PACSIN3: variants seen among roughly 807,000 people sequenced by gnomAD.
PACSIN3 encodes protein kinase C and casein kinase substrate in neurons protein 3.
Under a neutral mutation model 56.1 loss-of-function variants are expected in PACSIN3, and 34 were observed. The observed-to-expected ratio is 0.61, with a 90% CI of 0.46 to 0.81. The LOEUF (loss-of-function observed/expected upper bound fraction) is 0.81. Among genes scored for constraint, PACSIN3 ranks in the 30% least tolerant of loss-of-function variants. The probability of loss-of-function intolerance (pLI) is 0.00; values close to 1 mark genes in which losing one functional copy is unlikely to be tolerated. For missense variants in PACSIN3, 535 were observed against 592.4 expected (o/e 0.90, Z 1.01); for synonymous variants, 218 against 229.8 (o/e 0.95, Z 0.46).
At chr11:47,182,886 G>A in intron 2 of PACSIN3, 118 bp downstream of exon 2, 1 of 681,944 alleles carries the variant, frequency 1.5e-6, no homozygotes, top group African/African-American at 1.8e-5. Context: ...AGTCATCAGA[G>A]CTAGGACTTA....
chr11:47,177,889 G>T lies in PACSIN3; in HGVS notation c.*42C>A. ...GGCTCTCCAGGAGAAGCTGGGCTCT[G>T]AACCAGGGTGGGTAAACGTTGCAGA... On this transcript the variant is annotated 3_prime_UTR_variant, in exon 11 of 11. Coordinates refer to ENST00000298838, the MANE Select transcript of PACSIN3 (RefSeq NM_016223.5). The T allele has an allele frequency of 6.7e-7, 1 of 1,495,866 alleles. No individual in the cohort carries two copies. Among genetic ancestry groups the T allele is most frequent in the South Asian group, 1.1e-5 (1 of 88,622 alleles). 92.7% of individuals were successfully genotyped at this position (1,495,866 alleles called of 1,614,324 possible). A position where few individuals can be genotyped will look rare whatever the true frequency, so the allele number is the denominator to read the frequency against.
Position 47,178,972 on chromosome 11 carries a change from G to C in PACSIN3, c.959C>G (p.Pro320Arg). 6.2e-7 allele frequency: 1 copy of C among 1,614,076 alleles called. No homozygotes were observed. The highest frequency in any genetic ancestry group is 1.1e-5 in the South Asian group (1 of 91,082). The part of the protein sequence containing the change: ...ISRKEKGGRS[P>R]DEVTLTSIVP... Reference sequence around the variant, plus strand: ...AATGCTGGTCAGGGTAACCTCATCAGGGCTCCGGCCACCCTTCTCTTTCCG... The same window carrying C: ...AATGCTGGTCAGGGTAACCTCATCACGGCTCCGGCCACCCTTCTCTTTCCG... Residue 320 changes from proline (P) to arginine (R), a missense_variant, in exon 9 of 11, where the codon CCT becomes CGT. Coordinates refer to ENST00000298838, the MANE Select transcript of PACSIN3 (RefSeq NM_016223.5). This position sits in a 1 kb window ranked among gnomAD's most constrained non-coding sequence, Gnocchi z 4.2.
rs1396991774 is a variant in PACSIN3, at chr11:47,186,116, G to A, written c.-104+233C>T. ...GAAGACGGCTCAGCCCTCCAGCGCC[G>A]GCGCCGCCTCCCCCGGGCGGCCTGC... On this transcript the variant is annotated intron_variant, in intron 1 of 10. Coordinates refer to ENST00000298838, the MANE Select transcript of PACSIN3 (RefSeq NM_016223.5). The surrounding 1 kb of genome is among the most constrained non-coding windows in gnomAD (Gnocchi z 4.5). Among the ~76,000 whole-genome samples, 1 of 151,950 alleles carries A rather than the reference G, an allele frequency of 6.6e-6. No individual in the cohort carries two copies. Among genetic ancestry groups the A allele is most frequent in the African/African-American group, 2.4e-5 (1 of 41,420 alleles).
intron 1 of PACSIN3, chr11:47,185,131 G>A (rs1413807225): frequency 6.6e-6 from 1 of 152,476 alleles, no homozygotes; most frequent in East Asian, 1.9e-4. Flanking sequence ...CAGAAAGCAG[G>A]TAATGCAATC....
chr11:47,185,227 T>C (rs1012617631), intron 1 of PACSIN3: 1 of 152,138 alleles, frequency 6.6e-6, no homozygotes, highest in African/African-American at 2.4e-5. Context: ...CGGGCCAAGG[T>C]AGGAAGTCCC....
In PACSIN3 at chr11:47,183,060, G is replaced by A. The variant is rs186071894; in HGVS notation, c.-94C>T. 528 of 255,402 alleles carry A rather than the reference G, an allele frequency of 2.1e-3. 5 individuals carry two copies. The highest frequency in any genetic ancestry group is 0.019 in the Admixed American group (329 of 17,442). 15.8% of individuals were successfully genotyped at this position (255,402 alleles called of 1,614,324 possible). On this transcript the variant is annotated 5_prime_UTR_variant, in exon 2 of 11. In the 5' UTR this introduces an upstream ATG that the reference lacks. Coordinates refer to ENST00000298838, the MANE Select transcript of PACSIN3 (RefSeq NM_016223.5). ...GTGTCCAACTCTCAATGCTGCCACCGTGACTCTGCCTTGAAGGAGAACAGA... is the reference window on the plus strand; with the variant it reads ...GTGTCCAACTCTCAATGCTGCCACCATGACTCTGCCTTGAAGGAGAACAGA...
rs757657415 is a variant in PACSIN3, at chr11:47,182,719, T to C, written c.9A>G (p.Pro3=). 3.1e-6 allele frequency: 5 copies of C among 1,612,514 alleles called. No homozygotes were observed. The South Asian group carries it at 5.5e-5, about 18-fold the overall frequency. The change falls in exon 3 of 11, where the codon CCA becomes CCG. Residue 3 remains proline, a synonymous_variant. Coordinates refer to ENST00000298838, the MANE Select transcript of PACSIN3 (RefSeq NM_016223.5). The stretch of plus-strand genomic sequence containing the variant: ...AGGCCTCCCCTCCAGCGTCCTCTTC[T>C]GGAGCCATGGTGTCCCCGCAGCACG... The part of the protein sequence containing the change: MA[P]EEDAGGEALG...
chr11:47,178,783 G>T lies in PACSIN3; in HGVS notation c.1037+111C>A. 1 of 1,292,424 alleles carries T rather than the reference G, an allele frequency of 7.7e-7. No homozygotes were observed. The highest frequency in any genetic ancestry group is 1.1e-6 in the Non-Finnish European group (1 of 932,966). The allele number at this position is 1,292,424 out of a possible 1,614,324, so 80.1% of individuals were successfully genotyped here. On this transcript the variant is annotated intron_variant, in intron 9 of 10. Transcript: ENST00000298838. This position sits in a 1 kb window ranked among gnomAD's most constrained non-coding sequence, Gnocchi z 4.2. ...TACTAAGTAGGCCCTCAGGTCCCTG[G>T]CACCAATTTTCAACCCATTTCAGGT...
In PACSIN3 at chr11:47,178,777, T is replaced by A; in HGVS notation, c.1037+117A>T. ...TACAACTACTAAGTAGGCCCTCAGG[T>A]CCCTGGCACCAATTTTCAACCCATT... On this transcript the variant is annotated intron_variant, in intron 9 of 10. Transcript: ENST00000298838. The surrounding 1 kb of genome is among the most constrained non-coding windows in gnomAD (Gnocchi z 4.2). The A allele has an allele frequency of 8.1e-7, 1 of 1,227,186 alleles. No individual in the cohort carries two copies. The highest frequency in any genetic ancestry group is 1.1e-6 in the Non-Finnish European group (1 of 878,012). 76.0% of individuals were successfully genotyped at this position (1,227,186 alleles called of 1,614,324 possible). A position where few individuals can be genotyped will look rare whatever the true frequency, so the allele number is the denominator to read the frequency against.
intron 5 of PACSIN3, 40 bp from the exon 6 acceptor site, chr11:47,180,381 ACCTTGGCC>A: frequency 6.3e-7 from 1 of 1,599,628 alleles, no homozygotes; most frequent in Non-Finnish European, 8.5e-7. Context: ...TGGATGCCAC[ACCTTGGCC>A]CCCTCGATCC....
At chr11:47,182,373 C>T in intron 4 of PACSIN3, 30 bp downstream of exon 4, 2 of 1,573,176 alleles carry the variant, frequency 1.3e-6, no homozygotes, top group Non-Finnish European at 1.7e-6. Context: ...CACTCAGCTG[C>T]CCTCTGCCCC....
At chr11:47,182,168 A>G (rs1953037348) in intron 4 of PACSIN3, among the ~76,000 whole-genome samples, 1 of 152,002 alleles carries the variant, frequency 6.6e-6, no homozygotes, top group African/African-American at 2.4e-5. Context: ...AAGAAAGGAA[A>G]GAAAATGGGT....
intron 1 of PACSIN3, chr11:47,185,242 TCAGGGAAGA>T (rs1482439920): frequency 2.0e-5 from 3 of 152,280 alleles, no homozygotes; most frequent in African/African-American, 4.8e-5. Flanking sequence ...AGTCCCTGGT[TCAGGGAAGA>T]CCCAGTCTCC....
chr11:47,180,404 C>T, intron 5 of PACSIN3, 51 bp downstream of exon 5: 2 of 1,596,474 alleles, frequency 1.3e-6, no homozygotes, highest in Non-Finnish European at 1.7e-6. Context: ...CGATCCCTTG[C>T]AAACAAACAG....
intron 4 of PACSIN3, among the ~76,000 whole-genome samples, chr11:47,181,105 A>G (rs956912332): frequency 6.6e-6 from 1 of 151,932 alleles, no homozygotes; most frequent in Non-Finnish European, 1.5e-5. Flanking sequence ...TACTAAAACT[A>G]CAAAAAATTA....
intron 1 of PACSIN3, chr11:47,185,469 G>A (rs1404453180): frequency 2.0e-5 from 3 of 152,490 alleles, no homozygotes; most frequent in Non-Finnish European, 4.4e-5. Context: ...GGGGGGAGGG[G>A]AGGGGGCGTC....
chr11:47,181,852 T>C (rs1953030946), intron 4 of PACSIN3, among the ~76,000 whole-genome samples: 1 of 149,576 alleles, frequency 6.7e-6, no homozygotes. Context: ...AATAAATAAA[T>C]AATAAACAAA....
Position 47,178,853 on chromosome 11 carries a change from C to G in PACSIN3, c.1037+41G>C. On this transcript the variant is annotated intron_variant, in intron 9 of 10. Transcript: ENST00000298838. The surrounding 1 kb of genome is among the most constrained non-coding windows in gnomAD (Gnocchi z 4.2). ...GGAGAAAGGAAAGGAGGGCGGGAGG[C>G]AGAGCTGTTTCTTTGCCACAGCCGC... 6.2e-7 allele frequency: 1 copy of G among 1,610,594 alleles called. No homozygotes were observed. Among genetic ancestry groups the G allele is most frequent in the Non-Finnish European group, 8.5e-7 (1 of 1,178,540 alleles).
In PACSIN3 at chr11:47,179,091, C is replaced by T; in HGVS notation, c.901-61G>A. 6.2e-7 allele frequency: 1 copy of T among 1,613,868 alleles called. No individual in the cohort carries two copies. Among genetic ancestry groups the T allele is most frequent in the African/African-American group, 1.3e-5 (1 of 75,048 alleles). On this transcript the variant is annotated intron_variant, in intron 8 of 10. Coordinates refer to ENST00000298838, the MANE Select transcript of PACSIN3 (RefSeq NM_016223.5). The surrounding 1 kb of genome is among the most constrained non-coding windows in gnomAD (Gnocchi z 4.4). ...CTGAACCACCTTCACTTACTTCATC[C>T]CTAGCCCTGGCCGAGCTGAGTGGGA...
Sources: gnomAD v4.1 joint callset for allele counts (sites outside exome capture counted in the v4.1 genomes callset) on GRCh38, gnomAD v4.1.1 for gene constraint, Gnocchi (gnomAD v3.1) non-coding constraint, MANE v1.5 for transcripts, NCBI Gene and HGNC (gene_info 2026-07-23, HGNC 2026-07-21) for gene names.